Variants in COL5A2 observed in about 807,000 individuals in gnomAD.
The protein encoded by COL5A2 is collagen type V alpha 2 chain, also known as collagen alpha-2(V) chain.
In COL5A2, 23 loss-of-function variants were observed where a neutral mutation model predicts 208.2. That is an observed-to-expected ratio of 0.11 (90% CI 0.08 to 0.16). The LOEUF is 0.16. Among genes scored for constraint, COL5A2 ranks in the 10% least tolerant of loss-of-function variants. The pLI is 1.00. For missense variants in COL5A2, 1,590 were observed against 1,956.4 expected (o/e 0.81, Z 3.53); for synonymous variants, 625 against 628.5 (o/e 0.99, Z 0.08).
the COL5A2 span, among the ~76,000 whole-genome samples, chr2:189,307,284 A>T: frequency 6.6e-6 from 1 of 152,128 alleles, no homozygotes; most frequent in Non-Finnish European, 1.5e-5. Context: ...TTTAAACAAA[A>T]TCGAAATATG....
chr2:189,179,263 A>G (rs1688738366), intron 1 of COL5A2, among the ~76,000 whole-genome samples: 1 of 152,160 alleles, frequency 6.6e-6, no homozygotes, highest in African/African-American at 2.4e-5. Flanking sequence ...CTCAGCCAAA[A>G]GGACTTATTG....
intron 8 of COL5A2, among the ~76,000 whole-genome samples, chr2:189,088,063 T>C (rs1160363122): frequency 6.6e-6 from 1 of 152,238 alleles, no homozygotes; most frequent in Non-Finnish European, 1.5e-5. Context: ...GAAATGCTAT[T>C]AACCTGGAAT....
intron 41 of COL5A2, 55 bp from the exon 42 acceptor site, chr2:189,051,536 G>A: frequency 2.0e-6 from 3 of 1,525,878 alleles, no homozygotes; most frequent in Non-Finnish European, 2.6e-6. Flanking sequence ...GCAAGTAAGA[G>A]TGATTGACAT....
chr2:189,383,970 A>T, the COL5A2 span, among the ~76,000 whole-genome samples: 1 of 151,794 alleles, frequency 6.6e-6, no homozygotes, highest in Non-Finnish European at 1.5e-5. Flanking sequence ...CCATGAGATC[A>T]TTTTTTTAGC....
chr2:189,199,560 G>C (rs1020332596), intron 1 of COL5A2, among the ~76,000 whole-genome samples: 1 of 152,184 alleles, frequency 6.6e-6, no homozygotes, highest in African/African-American at 2.4e-5. Flanking sequence ...AAGGGACATA[G>C]AGGGGTGGTG....
upstream of COL5A2, among the ~76,000 whole-genome samples, chr2:189,183,596 A>T (rs1433390416): frequency 3.3e-5 from 5 of 152,156 alleles, no homozygotes; most frequent in East Asian, 7.7e-4. Context: ...ATACCAATTA[A>T]CACTACCACC....
At chr2:189,419,467 G>T in the COL5A2 span, among the ~76,000 whole-genome samples, 2 of 151,948 alleles carry the variant, frequency 1.3e-5, no homozygotes, top group Admixed American at 1.3e-4. Context: ...ATTGGTCTTG[G>T]TTTTATTTTT....
At chr2:189,297,041 A>T in the COL5A2 span, among the ~76,000 whole-genome samples, 2 of 152,182 alleles carry the variant, frequency 1.3e-5, no homozygotes, top group Admixed American at 6.5e-5. Context: ...TGTCTTGAAA[A>T]TGCTCCCAGT....
the COL5A2 span, among the ~76,000 whole-genome samples, chr2:189,304,761 T>A: frequency 6.6e-6 from 1 of 152,208 alleles, no homozygotes. Flanking sequence ...ATTCTTATAT[T>A]TTTCTATATG....
In COL5A2 at chr2:189,130,665, A is replaced by T. The variant is rs565724838; in HGVS notation, c.98-20216T>A. On this transcript the variant is annotated intron_variant, in intron 1 of 53. Coordinates refer to ENST00000374866, the MANE Select transcript of COL5A2 (RefSeq NM_000393.5). Reference sequence around the variant, plus strand: ...CCACCTTGGCTCTGAAAAGATTTCAAACAGATCTAGCTAGCATCTAGTATC... The same window carrying T: ...CCACCTTGGCTCTGAAAAGATTTCATACAGATCTAGCTAGCATCTAGTATC... 2.0e-5 allele frequency among the ~76,000 whole-genome samples: 3 copies of T among 152,024 alleles called. No individual in the cohort carries two copies. In the South Asian group the frequency reaches 6.2e-4, roughly 32 times the overall value.
chr2:189,374,396 C>A, the COL5A2 span, among the ~76,000 whole-genome samples: 6 of 150,810 alleles, frequency 4.0e-5, no homozygotes, highest in African/African-American at 7.3e-5. Flanking sequence ...GTTTTGAGAT[C>A]ACTATTAACA....
At chr2:189,384,921 T>G in the COL5A2 span, among the ~76,000 whole-genome samples, 3 of 152,336 alleles carry the variant, frequency 2.0e-5, no homozygotes, top group South Asian at 6.2e-4. Flanking sequence ...TGGAAATGTC[T>G]AAATTCATAT....
At chr2:189,273,550 A>G in the COL5A2 span, among the ~76,000 whole-genome samples, 1 of 152,134 alleles carries the variant, frequency 6.6e-6, no homozygotes, top group Non-Finnish European at 1.5e-5. Context: ...CTACACTCTC[A>G]TGTTCATTCC....
At chr2:189,408,422 T>C in the COL5A2 span, among the ~76,000 whole-genome samples, 3 of 152,084 alleles carry the variant, frequency 2.0e-5, no homozygotes, top group Non-Finnish European at 4.4e-5. Flanking sequence ...AATATGTAAA[T>C]AGAGTTGCCA....
At chr2:189,143,295 A>T (rs1285204498) in intron 1 of COL5A2, among the ~76,000 whole-genome samples, 1 of 152,084 alleles carries the variant, frequency 6.6e-6, no homozygotes, top group African/African-American at 2.4e-5. Flanking sequence ...AATGCCTTTT[A>T]TTTTGCTCCT....
At chr2:189,293,503 C>T in the COL5A2 span, among the ~76,000 whole-genome samples, 33 of 152,248 alleles carry the variant, frequency 2.2e-4, no homozygotes, top group African/African-American at 7.0e-4. Context: ...TGACTGTCTG[C>T]GTCTCCCCAG....
chr2:189,398,183 C>T, the COL5A2 span, among the ~76,000 whole-genome samples: 2 of 152,066 alleles, frequency 1.3e-5, no homozygotes, highest in African/African-American at 4.8e-5. Context: ...TGTTCATCTG[C>T]TTTTCTATCT....
chr2:189,263,846 T>C, the COL5A2 span, among the ~76,000 whole-genome samples: 7 of 152,168 alleles, frequency 4.6e-5, no homozygotes, highest in Non-Finnish European at 4.4e-5. Context: ...AAGTACACTC[T>C]TTGATATTTG....
chr2:189,287,943 C>T, the COL5A2 span, among the ~76,000 whole-genome samples: 2 of 152,046 alleles, frequency 1.3e-5, no homozygotes, highest in Non-Finnish European at 2.9e-5. Context: ...TTATATTTCA[C>T]CCTTTATGTG....
Sources: allele counts gnomAD v4.1 joint callset (sites outside exome capture counted in the v4.1 genomes callset), GRCh38; gene constraint gnomAD v4.1.1; transcripts MANE v1.5; gene names NCBI Gene and HGNC (gene_info 2026-07-23, HGNC 2026-07-21).